The following SCLT1 variants were observed in gnomAD, a reference collection of about 807,000 sequenced individuals.
The protein encoded by SCLT1 is sodium channel and clathrin linker 1, also known as sodium channel-associated protein 1.
A neutral mutation model predicts 112.8 loss-of-function variants in SCLT1; 78 were observed. The observed-to-expected ratio is 0.69, with a 90% CI of 0.58 to 0.83. The LOEUF is 0.83. SCLT1 is among the 40% of genes least tolerant of loss of function. The pLI is 0.00. For synonymous variants in SCLT1, 257 were observed against 254.7 expected, an observed-to-expected ratio of 1.01 and a Z score of -0.09; for missense variants, 747 against 770.4, an observed-to-expected ratio of 0.97 and a Z score of 0.36.
intron 4 of SCLT1, among the ~76,000 whole-genome samples, chr4:128,875,625 G>GTAAC (rs930012491): frequency 3.3e-5 from 5 of 152,180 alleles, no homozygotes; most frequent in Non-Finnish European, 5.9e-5. Context: ...TAACATCTTA[G>GTAAC]TAACTTAGAT....
intron 18 of SCLT1, among the ~76,000 whole-genome samples, chr4:128,919,779 T>A (rs1735740993): frequency 6.6e-6 from 1 of 151,528 alleles, no homozygotes; most frequent in African/African-American, 2.4e-5. Context: ...AACATCTCTA[T>A]GCACACAAAC....
At chr4:128,889,723 C>T (rs976834983) in intron 19 of SCLT1, among the ~76,000 whole-genome samples, 2 of 152,190 alleles carry the variant, frequency 1.3e-5, no homozygotes, top group Non-Finnish European at 2.9e-5. Flanking sequence ...TCCACACTTA[C>T]TAGCCTGGTT....
intron 2 of SCLT1, among the ~76,000 whole-genome samples, chr4:129,046,305 T>C (rs1199530015): frequency 1.3e-5 from 2 of 152,134 alleles, no homozygotes; most frequent in African/African-American, 2.4e-5. Flanking sequence ...ACTATGTATA[T>C]GACCAACAAC....
rs142217512 is a variant in SCLT1, at chr4:129,019,928, C to T, written c.291-16052G>A. Among the ~76,000 whole-genome samples the T allele has an allele frequency of 6.6e-4, 100 of 152,016 alleles. 1 individual carries two copies. The highest frequency in any genetic ancestry group is 2.2e-3 in the African/African-American group (93 of 41,466). The stretch of plus-strand genomic sequence containing the variant: ...GTTCTAAAGTGCAACTAGAAATAAT[C>T]CTTCTAAAGTTGCACCCCTTCCTCT... On this transcript the variant is annotated intron_variant, in intron 5 of 20. Transcript: ENST00000281142.
At chr4:129,044,433 C>T (rs144884994) in intron 2 of SCLT1, among the ~76,000 whole-genome samples, 3 of 151,066 alleles carry the variant, frequency 2.0e-5, no homozygotes, top group Admixed American at 6.6e-5. Flanking sequence ...AGATAATACA[C>T]GAAAAGTCAC....
intron 5 of SCLT1, 138 bp downstream of exon 5, chr4:129,038,903 G>A (rs1233200352): frequency 3.1e-6 from 2 of 654,274 alleles, no homozygotes; most frequent in Non-Finnish European, 5.6e-6. Context: ...AAGTAATCGA[G>A]CCAGGAGTCA....
intron 18 of SCLT1, among the ~76,000 whole-genome samples, chr4:128,899,921 C>T (rs1009043317): frequency 6.6e-6 from 1 of 152,122 alleles, no homozygotes; most frequent in South Asian, 2.1e-4. Context: ...AACTCCCATT[C>T]ACAATTGCTT....
At chr4:128,885,067 A>T (rs1007801459) in intron 20 of SCLT1, among the ~76,000 whole-genome samples, 4 of 152,242 alleles carry the variant, frequency 2.6e-5, no homozygotes, top group African/African-American at 9.6e-5. Flanking sequence ...GAATTGTAAA[A>T]CATATTCCAG....
intron 18 of SCLT1, among the ~76,000 whole-genome samples, chr4:128,905,199 A>T (rs1257759881): frequency 6.6e-6 from 1 of 152,186 alleles, no homozygotes; most frequent in African/African-American, 2.4e-5. Context: ...AAGCATTGCC[A>T]TCTACCTGGC....
At chr4:129,090,893 A>G (rs1752770356) in intron 1 of SCLT1, among the ~76,000 whole-genome samples, 1 of 152,234 alleles carries the variant, frequency 6.6e-6, no homozygotes, top group African/African-American at 2.4e-5. Flanking sequence ...CTGAAATAGT[A>G]ATTATCAGAG....
chr4:129,036,871 G>A (rs1181420523), intron 5 of SCLT1: 1 of 151,540 alleles, frequency 6.6e-6, no homozygotes, highest in Non-Finnish European at 1.5e-5. Flanking sequence ...ATAAAAGAAT[G>A]TCAAACTTTA....
At chr4:129,079,948 T>C (rs1223251848) in intron 2 of SCLT1, among the ~76,000 whole-genome samples, 1 of 152,244 alleles carries the variant, frequency 6.6e-6, no homozygotes, top group Non-Finnish European at 1.5e-5. Context: ...CCAAGATTTA[T>C]GGGTTCCACC....
At chr4:129,048,770 A>T (rs985261457) in intron 2 of SCLT1, among the ~76,000 whole-genome samples, 2 of 152,174 alleles carry the variant, frequency 1.3e-5, no homozygotes, top group Non-Finnish European at 2.9e-5. Context: ...AATGAACTCA[A>T]ACAAATTTAC....
At chr4:129,071,278 A>G (rs1345014257) in intron 2 of SCLT1, among the ~76,000 whole-genome samples, 1 of 152,142 alleles carries the variant, frequency 6.6e-6, no homozygotes, top group African/African-American at 2.4e-5. Flanking sequence ...TGTTCTGTAT[A>G]TATCTGTTAA....
chr4:129,004,754 G>A (rs1743843296), intron 5 of SCLT1, among the ~76,000 whole-genome samples: 1 of 151,578 alleles, frequency 6.6e-6, no homozygotes, highest in South Asian at 2.1e-4. Context: ...CTTAAATCTT[G>A]ATGTCAAAAC....
chr4:128,938,023 G>A (rs1579434563), intron 17 of SCLT1, among the ~76,000 whole-genome samples: 1 of 152,118 alleles, frequency 6.6e-6, no homozygotes, highest in East Asian at 1.9e-4. Context: ...TGTGGAAAAA[G>A]GCAGCAAGGT....
At chr4:128,910,811 T>C (rs947416932) in intron 18 of SCLT1, among the ~76,000 whole-genome samples, 1 of 152,184 alleles carries the variant, frequency 6.6e-6, no homozygotes, top group African/African-American at 2.4e-5. Flanking sequence ...AATACCACCA[T>C]TATCATAACC....
rs759986703 is a variant in SCLT1 at position 128,936,720 on chromosome 4, G to A, written c.1764C>T (p.Ala588=). 1.2e-6 allele frequency: 2 copies of A among 1,611,510 alleles called. No homozygotes were observed. Among genetic ancestry groups the A allele is most frequent in the African/African-American group, 2.7e-5 (2 of 74,666 alleles). The change falls in exon 18 of 21, where the codon GCC becomes GCT. Residue 588 remains alanine (A), a synonymous_variant. Coordinates refer to ENST00000281142, the MANE Select transcript of SCLT1 (RefSeq NM_144643.4). The part of the protein sequence containing the change: ...RHLLATQQKA[A]NRWKEETKKL... ...TCTTCGTTTCTTCTTTCCACCTATT[G>A]GCTGCCTTCTGTTGAGTCGCTAGGA...
At chr4:129,079,125 A>G (rs1221052740) in intron 2 of SCLT1, among the ~76,000 whole-genome samples, 8 of 152,162 alleles carry the variant, frequency 5.3e-5, no homozygotes, top group South Asian at 2.1e-4. Context: ...ACCATTCGAC[A>G]TTAGATTTGG....
Sources: gnomAD v4.1 joint callset for allele counts (sites outside exome capture counted in the v4.1 genomes callset) on GRCh38, gnomAD v4.1.1 for gene constraint, MANE v1.5 for transcripts, NCBI Gene and HGNC (gene_info 2026-07-23, HGNC 2026-07-21) for gene names.